The following CCDC138 variants were observed in gnomAD, a reference collection of about 807,000 sequenced individuals.
CCDC138 encodes the protein coiled-coil domain containing 138, also known as coiled-coil domain-containing protein 138.
Under a neutral mutation model 82.3 loss-of-function variants are expected in CCDC138, and 66 were observed. The observed-to-expected ratio is 0.80, with a 90% CI of 0.66 to 0.98. CCDC138 has a LOEUF of 0.98. Ranked by LOEUF, CCDC138 falls within the 50% of genes least tolerant of loss-of-function variation. CCDC138 has a pLI of 0.00. For missense variants in CCDC138, 816 were observed against 758.9 expected, an observed-to-expected ratio of 1.08 and a Z score of -0.88; for synonymous variants, 297 against 265.4, an observed-to-expected ratio of 1.12 and a Z score of -1.16.
In CCDC138 at chr2:108,788,037, T is replaced by C. The variant is rs759660190; in HGVS notation, c.99T>C (p.Asp33=). The change falls in exon 2 of 15, where the codon GAT becomes GAC. Residue 33 remains aspartate (D), a synonymous_variant. Coordinates refer to ENST00000295124, the MANE Select transcript of CCDC138 (RefSeq NM_144978.3). ...TCTTTTCTTTTTTTTTTTAGTATGA[T>C]TTTTCAAATTTTTATCAGTCTAAGT... The part of the protein sequence containing the change: ...GLGGSCPDEY[D]FSNFYQSKYK... The C allele has an allele frequency of 1.3e-6, 2 of 1,562,714 alleles. No homozygotes were observed. Among genetic ancestry groups the C allele is most frequent in the East Asian group, 2.3e-5 (1 of 44,384 alleles).
intron 13 of CCDC138, among the ~76,000 whole-genome samples, chr2:108,870,351 C>T (rs1695037430): frequency 6.6e-6 from 1 of 152,112 alleles, no homozygotes; most frequent in Admixed American, 6.6e-5. Flanking sequence ...TGAACAGAGT[C>T]TGAAGGACTT....
At position 108,790,595 on chromosome 2, in the gene CCDC138, G is replaced by A. The variant is rs139674971; in HGVS notation, c.267-1080G>A. ...CGGGTGCCTGTAGTCCCAGCTACTC[G>A]GGAGGCTGAGACAGGAGAATTGCTT... On this transcript the variant is annotated intron_variant, in intron 3 of 14. Transcript: ENST00000295124. Among the ~76,000 whole-genome samples the A allele has an allele frequency of 1.4e-3, 206 of 152,290 alleles. 1 individual carries two copies. Among genetic ancestry groups the A allele is most frequent in the African/African-American group, 4.4e-3 (182 of 41,554 alleles).
intron 6 of CCDC138, 151 bp downstream of exon 6, chr2:108,798,737 ACACT>A (rs370822147): frequency 2.5e-6 from 1 of 393,206 alleles, no homozygotes; most frequent in Non-Finnish European, 4.5e-6. Context: ...ACACACACAC[ACACT>A]TTTTCTGATC....
At chr2:108,811,984 A>G (rs913238472) in intron 7 of CCDC138, among the ~76,000 whole-genome samples, 2 of 152,170 alleles carry the variant, frequency 1.3e-5, no homozygotes, top group South Asian at 2.1e-4. Flanking sequence ...TATTCTATTC[A>G]TGGTGTATAT....
chr2:108,869,035 T>C (rs1430434832), intron 13 of CCDC138, among the ~76,000 whole-genome samples: 1 of 152,210 alleles, frequency 6.6e-6, no homozygotes, highest in Non-Finnish European at 1.5e-5. Flanking sequence ...AATTTTGTTT[T>C]GTTTCCTTGA....
At chr2:108,837,105 G>A (rs561932447) in intron 10 of CCDC138, among the ~76,000 whole-genome samples, 2 of 152,114 alleles carry the variant, frequency 1.3e-5, no homozygotes, top group Non-Finnish European at 2.9e-5. Context: ...GTGAGGGTGT[G>A]CTTGTCTTGT....
intron 10 of CCDC138, among the ~76,000 whole-genome samples, chr2:108,832,982 T>C (rs1485113195): frequency 6.6e-6 from 1 of 152,208 alleles, no homozygotes; most frequent in Non-Finnish European, 1.5e-5. Context: ...TGGAGACACC[T>C]TAAATGCACA....
At chr2:108,873,666 T>G (rs530550047) in intron 14 of CCDC138, 77 bp downstream of exon 14, 2 of 1,062,448 alleles carry the variant, frequency 1.9e-6, no homozygotes, top group East Asian at 5.3e-5. Context: ...GTTTTAATCT[T>G]TTGGCTTCCC....
chr2:108,870,004 A>G (rs1444715962), intron 13 of CCDC138, among the ~76,000 whole-genome samples: 1 of 152,238 alleles, frequency 6.6e-6, no homozygotes, highest in Non-Finnish European at 1.5e-5. Context: ...CTTTAAAACA[A>G]CTATCTTAAA....
At chr2:108,812,026 G>A (rs1683944802) in intron 7 of CCDC138, among the ~76,000 whole-genome samples, 1 of 151,902 alleles carries the variant, frequency 6.6e-6, no homozygotes, top group South Asian at 2.1e-4. Context: ...GATACCATAA[G>A]TAATATAATA....
chr2:108,866,163 G>A (rs747132342), intron 13 of CCDC138, among the ~76,000 whole-genome samples: 19 of 152,312 alleles, frequency 1.2e-4, no homozygotes, highest in Middle Eastern at 3.4e-3. Context: ...CATGGGGATT[G>A]TTGTGGAATC....
intron 12 of CCDC138, among the ~76,000 whole-genome samples, chr2:108,851,548 C>G (rs1691503842): frequency 6.6e-6 from 1 of 152,126 alleles, no homozygotes; most frequent in South Asian, 2.1e-4. Context: ...GTGATCCGCC[C>G]ACCTCAGCCT....
chr2:108,820,695 AGTG>A (rs1291890187), intron 10 of CCDC138, among the ~76,000 whole-genome samples: 13 of 90,854 alleles, frequency 1.4e-4, no homozygotes, highest in African/African-American at 5.5e-4. Context: ...ATACATTCAA[AGTG>A]CAAAAAAAAA....
rs201142098 is a variant in CCDC138 at position 108,804,841 on chromosome 2, T to C, written c.736-48T>C. 757 of 1,444,746 alleles carry C rather than the reference T, an allele frequency of 5.2e-4. 9 individuals are homozygous for C. In the South Asian group the frequency reaches 8.5e-3, roughly 16 times the overall value. 89.5% of individuals were successfully genotyped at this position (1,444,746 alleles called of 1,614,324 possible). On this transcript the variant is annotated intron_variant, in intron 6 of 14. Coordinates refer to ENST00000295124, the MANE Select transcript of CCDC138 (RefSeq NM_144978.3). ...TTCACGTTCCATAGTATTAGTGATATACAGTCCTTACAAGTTTTAGATGAG... is the reference window on the plus strand; with the variant it reads ...TTCACGTTCCATAGTATTAGTGATACACAGTCCTTACAAGTTTTAGATGAG...
At chr2:108,821,885 G>A (rs981349243) in intron 10 of CCDC138, among the ~76,000 whole-genome samples, 6 of 145,684 alleles carry the variant, frequency 4.1e-5, no homozygotes, top group African/African-American at 1.3e-4. Flanking sequence ...GTGAGATTGT[G>A]CCACTGCGCT....
rs1307608591 is a variant in CCDC138, at chr2:108,822,929, G to A, written c.1206+6824G>A. 1.3e-5 allele frequency among the ~76,000 whole-genome samples: 2 copies of A among 151,922 alleles called. 1 individual carries two copies. The highest frequency in any genetic ancestry group is 1.3e-4 in the Admixed American group (2 of 15,234). On this transcript the variant is annotated intron_variant, in intron 10 of 14. Transcript: ENST00000295124. ...GCTAGCTAGATGAAGGGAGAAAGAA[G>A]ACTGGAATAACTCAAATTAGAAAGG...
intron 11 of CCDC138, among the ~76,000 whole-genome samples, chr2:108,841,995 T>C (rs774734856): frequency 3.3e-5 from 5 of 152,112 alleles, no homozygotes; most frequent in Non-Finnish European, 7.4e-5. Flanking sequence ...TGATTAGAAG[T>C]CATAGAAGTT....
chr2:108,786,810 G>A lies in CCDC138; in HGVS notation c.-13G>A, dbSNP rs754865305. 1.5e-5 allele frequency: 23 copies of A among 1,582,288 alleles called. No homozygotes were observed. Among genetic ancestry groups the A allele is most frequent in the Non-Finnish European group, 2.6e-6 (3 of 1,164,908 alleles). On this transcript the variant is annotated 5_prime_UTR_variant, in exon 1 of 15. Transcript: ENST00000295124. Reference sequence around the variant, plus strand: ...CGCGGTTCCCGGGGAGACTGGTACGGTTGCTGTGTGCTATGGAGCCGAGGG... The same window carrying A: ...CGCGGTTCCCGGGGAGACTGGTACGATTGCTGTGTGCTATGGAGCCGAGGG...
intron 13 of CCDC138, among the ~76,000 whole-genome samples, chr2:108,860,541 T>A (rs1009205748): frequency 6.6e-6 from 1 of 151,982 alleles, no homozygotes; most frequent in Non-Finnish European, 1.5e-5. Flanking sequence ...TAAAGAGATG[T>A]TGGATTTTAT....
Sources: gnomAD v4.1 joint callset for allele counts (sites outside exome capture counted in the v4.1 genomes callset) on GRCh38, gnomAD v4.1.1 for gene constraint, MANE v1.5 for transcripts, NCBI Gene and HGNC (gene_info 2026-07-23, HGNC 2026-07-21) for gene names.